Variants in DNMBP observed in about 807,000 individuals in gnomAD.
DNMBP encodes dynamin binding protein.
DNMBP carries 87 observed loss-of-function variants against 150.0 expected under a neutral mutation model. That is an observed-to-expected ratio of 0.58 (90% CI 0.49 to 0.69). The LOEUF (loss-of-function observed/expected upper bound fraction) is 0.69. Ranked by LOEUF, DNMBP falls within the 30% of genes least tolerant of loss-of-function variation. The pLI, the probability that DNMBP is intolerant of heterozygous loss-of-function variation, is 0.00. For synonymous variants in DNMBP, 711 were observed against 750.4 expected (o/e 0.95, Z 0.86); for missense variants, 1,774 against 1,949.0 (o/e 0.91, Z 1.69).
At chr10:99,905,973 AAAG>A (rs768422405) in intron 6 of DNMBP, among the ~76,000 whole-genome samples, 2 of 152,324 alleles carry the variant, frequency 1.3e-5, no homozygotes, top group East Asian at 1.9e-4. Context: ...CTGTCTAAAA[AAAG>A]AAGAAACAAC....
chr10:99,900,046 G>A lies in DNMBP; in HGVS notation c.2575C>T (p.Arg859Trp), dbSNP rs766553875. The change falls in exon 7 of 17, where the codon CGG becomes TGG. Residue 859 changes from arginine to tryptophan, a missense_variant. Transcript: ENST00000324109. ...TTGTATGTTCCCTCAAGCTCATCCC[G>A]GTGACCAAGAAACACAGGTCCTTTG... Reference protein sequence around the residue: ...DAVGPVFLGHRDELEGTYKIY... With the variant: ...DAVGPVFLGHWDELEGTYKIY... The A allele has an allele frequency of 8.1e-6, 13 of 1,613,978 alleles. No individual in the cohort carries two copies. The highest frequency in any genetic ancestry group is 1.6e-4 in the Middle Eastern group (1 of 6,062).
At chr10:99,932,945 TATGACTC>T (rs1282855918) in intron 4 of DNMBP, among the ~76,000 whole-genome samples, 1 of 151,774 alleles carries the variant, frequency 6.6e-6, no homozygotes, top group East Asian at 1.9e-4. Context: ...GAATAGCTTG[TATGACTC>T]TTTCTGATGA....
At chr10:99,987,407 C>T (rs7924071) in intron 1 of DNMBP, among the ~76,000 whole-genome samples, 11,071 of 152,032 alleles carry the variant, frequency 0.073, 617 homozygotes, top group African/African-American at 0.15. Flanking sequence ...TAAAACATTA[C>T]GAAGAGTAGC....
At chr10:99,878,470 C>T (rs532245053) in intron 16 of DNMBP, among the ~76,000 whole-genome samples, 142 of 152,300 alleles carry the variant, frequency 9.3e-4, no homozygotes, top group African/African-American at 3.3e-3. Flanking sequence ...TAACTGTCTG[C>T]TTGGTAGGCC....
At chr10:99,964,077 C>T (rs184791551) in intron 3 of DNMBP, among the ~76,000 whole-genome samples, 17 of 149,876 alleles carry the variant, frequency 1.1e-4, no homozygotes, top group Admixed American at 2.7e-4. Context: ...TATCACTTGT[C>T]ATAATATGCA....
In DNMBP at chr10:99,880,266, A is replaced by G; in HGVS notation, c.4093T>C (p.Ser1365Pro). 1 of 1,613,746 alleles carries G rather than the reference A, an allele frequency of 6.2e-7. No individual in the cohort carries two copies. The highest frequency in any genetic ancestry group is 8.5e-7 in the Non-Finnish European group (1 of 1,179,964). The change falls in exon 16 of 17, where the codon TCT becomes CCT. Residue 1365 changes from serine (S) to proline (P), a missense_variant. This residue lies in a region of DNMBP where 1,430 missense variants were observed against 1,492.5 expected (regional missense o/e 0.96). Coordinates refer to ENST00000324109, the MANE Select transcript of DNMBP (RefSeq NM_015221.4). ...CTGGGGGAGGAGCTGCCGTGCTCAG[A>G]CTCTGTGGAGGAGTGGCTACCCACG... Reference protein sequence around the residue: ...ASVGSHSSTESEHGSSSPRFP... With the variant: ...ASVGSHSSTEPEHGSSSPRFP...
chr10:99,987,682 C>G (rs866182092), intron 1 of DNMBP, among the ~76,000 whole-genome samples: 2 of 151,430 alleles, frequency 1.3e-5, no homozygotes, highest in African/African-American at 2.4e-5. Context: ...TTGCAGTGAG[C>G]TGAGATCATG....
intron 1 of DNMBP, among the ~76,000 whole-genome samples, chr10:99,973,427 A>G (rs534817329): frequency 6.6e-6 from 1 of 152,360 alleles, no homozygotes; most frequent in Admixed American, 6.5e-5. Flanking sequence ...ACCAGACAAC[A>G]TGGTAATTTT....
At chr10:99,904,006 C>T (rs1027884021) in intron 6 of DNMBP, among the ~76,000 whole-genome samples, 2 of 151,958 alleles carry the variant, frequency 1.3e-5, no homozygotes, top group African/African-American at 4.8e-5. Flanking sequence ...ATCTGCCCAC[C>T]TTGCCTCGGC....
intron 3 of DNMBP, among the ~76,000 whole-genome samples, chr10:99,967,847 G>A (rs2040635971): frequency 6.6e-6 from 1 of 152,088 alleles, no homozygotes; most frequent in Admixed American, 6.6e-5. Flanking sequence ...AGAAGCTTCT[G>A]TCTTTTAGAC....
chr10:99,928,440 C>T (rs968742844), intron 4 of DNMBP, among the ~76,000 whole-genome samples: 1 of 152,088 alleles, frequency 6.6e-6, no homozygotes, highest in African/African-American at 2.4e-5. Context: ...CAGCCTGGAC[C>T]CCAAAATTGG....
intron 1 of DNMBP, among the ~76,000 whole-genome samples, chr10:100,000,298 A>C (rs188953424): frequency 1.6e-3 from 244 of 152,278 alleles, no homozygotes; most frequent in African/African-American, 5.6e-3. Flanking sequence ...CGGCACATCC[A>C]TTGCAACATT....
intron 1 of DNMBP, among the ~76,000 whole-genome samples, chr10:99,976,160 A>ATCATT (rs764291212): frequency 1.3e-5 from 2 of 152,248 alleles, no homozygotes; most frequent in African/African-American, 2.4e-5. Context: ...ATTACAAAGC[A>ATCATT]TCATTTCCAT....
intron 1 of DNMBP, among the ~76,000 whole-genome samples, chr10:99,974,412 AGACAATCAGCCTTGAT>A (rs776769830): frequency 2.8e-4 from 42 of 152,348 alleles, no homozygotes; most frequent in Non-Finnish European, 5.9e-4. Context: ...ATCCCTCTGT[AGACAATCAGCCTTGAT>A]GACAGCTACA....
chr10:99,990,818 T>TAC (rs1203086443), intron 1 of DNMBP, among the ~76,000 whole-genome samples: 1 of 123,940 alleles, frequency 8.1e-6, no homozygotes, highest in Non-Finnish European at 1.6e-5. Context: ...CACATATATA[T>TAC]ATATACACAT....
rs147507666 is a variant in DNMBP at position 99,909,300 on chromosome 10, G to A, written c.2261-154C>T. On this transcript the variant is annotated intron_variant, in intron 4 of 16. Coordinates refer to ENST00000324109, the MANE Select transcript of DNMBP (RefSeq NM_015221.4). ...ATCGCACATGTCAGTTGTAAACAGG[G>A]ACAGCTGAAGCGCTTAGAAAGCCAT... is the stretch of plus-strand genomic sequence containing the variant. 1.2e-4 allele frequency among the ~76,000 whole-genome samples: 18 copies of A among 152,312 alleles called. No individual in the cohort carries two copies. In the East Asian group the frequency reaches 3.5e-3, roughly 29 times the overall value.
chr10:100,002,479 G>T (rs1166982665), intron 1 of DNMBP, among the ~76,000 whole-genome samples: 6 of 152,102 alleles, frequency 3.9e-5, no homozygotes, highest in Admixed American at 3.3e-4. Context: ...CTGAAGTAAA[G>T]ACCGATCCAC....
intron 2 of DNMBP, among the ~76,000 whole-genome samples, chr10:99,969,827 C>T (rs2040656775): frequency 6.6e-6 from 1 of 152,204 alleles, no homozygotes; most frequent in South Asian, 2.1e-4. Context: ...TCCATGCCAT[C>T]ACCATCCCTC....
chr10:99,979,518 G>C (rs1201517662), intron 1 of DNMBP, among the ~76,000 whole-genome samples: 2 of 152,134 alleles, frequency 1.3e-5, no homozygotes, highest in Admixed American at 6.5e-5. Flanking sequence ...TGTTGTGTGG[G>C]AGATAAGTTA....
Sources: gnomAD v4.1 joint callset for allele counts (sites outside exome capture counted in the v4.1 genomes callset) on GRCh38, gnomAD v4.1.1 for gene constraint, gnomAD v4.1.1 regional missense constraint, MANE v1.5 for transcripts, NCBI Gene and HGNC (gene_info 2026-07-23, HGNC 2026-07-21) for gene names.